The following SBF2 variants were observed in gnomAD, a reference collection of about 807,000 sequenced individuals.
The protein encoded by SBF2 is SET binding factor 2, also known as myotubularin-related protein 13.
In SBF2, 112 loss-of-function variants were observed where a neutral mutation model predicts 225.2. That is an observed-to-expected ratio of 0.50 (90% CI 0.43 to 0.58). The LOEUF (loss-of-function observed/expected upper bound fraction) is 0.58. Among genes scored for constraint, SBF2 ranks in the 20% least tolerant of loss-of-function variants. SBF2 has a pLI of 0.00. For missense variants in SBF2, 1,996 were observed against 2,206.2 expected (o/e 0.90, Z 1.91); for synonymous variants, 763 against 773.3 (o/e 0.99, Z 0.22).
chr11:10,089,047 C>T lies in SBF2; in HGVS notation c.142-46066G>A, dbSNP rs77870875. ...CTGGGTCCTGCCCTCCTCCAAAAGACGGTCTTAAAAAAAATGTATAAACTT... is the reference window on the plus strand; with the variant it reads ...CTGGGTCCTGCCCTCCTCCAAAAGATGGTCTTAAAAAAAATGTATAAACTT... On this transcript the variant is annotated intron_variant, in intron 2 of 39. Coordinates refer to ENST00000256190, the MANE Select transcript of SBF2 (RefSeq NM_030962.4). Among the ~76,000 whole-genome samples, 534 of 152,088 alleles carry T rather than the reference C, an allele frequency of 3.5e-3. 2 individuals carry two copies. Among genetic ancestry groups the T allele is most frequent in the African/African-American group, 0.013 (524 of 41,490 alleles).
At chr11:10,179,303 C>T (rs1168609054) in intron 2 of SBF2, among the ~76,000 whole-genome samples, 1 of 151,318 alleles carries the variant, frequency 6.6e-6, no homozygotes, top group Non-Finnish European at 1.5e-5. Context: ...ATGTAACTAA[C>T]CTGCACATTG....
At chr11:10,257,091 C>G (rs1244280630) in intron 1 of SBF2, among the ~76,000 whole-genome samples, 1 of 152,174 alleles carries the variant, frequency 6.6e-6, no homozygotes, top group Non-Finnish European at 1.5e-5. Context: ...TTAGCAAACT[C>G]AGGCCCAGAA....
At chr11:10,059,556 C>T (rs1021657405) in intron 2 of SBF2, among the ~76,000 whole-genome samples, 5 of 152,126 alleles carry the variant, frequency 3.3e-5, no homozygotes, top group African/African-American at 4.8e-5. Flanking sequence ...GAAGTTTCCA[C>T]CCAAAAACAA....
chr11:10,002,506 T>C, intron 7 of SBF2, 51 bp downstream of exon 7: 2 of 1,430,382 alleles, frequency 1.4e-6, no homozygotes, highest in Non-Finnish European at 2.0e-6. Context: ...TTATCAACGA[T>C]AAGTGATATG....
intron 33 of SBF2, among the ~76,000 whole-genome samples, chr11:9,794,675 T>G (rs1372696328): frequency 6.8e-4 from 1 of 1,468 alleles, no homozygotes; most frequent in Non-Finnish European, 2.6e-3. Flanking sequence ...GGACTCCGTC[T>G]CAAAAAAAAA....
At chr11:9,835,245 T>C (rs1007564345) in intron 26 of SBF2, among the ~76,000 whole-genome samples, 1 of 152,040 alleles carries the variant, frequency 6.6e-6, no homozygotes, top group Non-Finnish European at 1.5e-5. Context: ...CACTACCACC[T>C]AGGTCAAGAA....
chr11:9,970,742 A>G (rs533608741), intron 13 of SBF2, among the ~76,000 whole-genome samples: 3 of 152,362 alleles, frequency 2.0e-5, no homozygotes, highest in East Asian at 1.9e-4. Flanking sequence ...CTTATCTTAT[A>G]TAAGGCTCCT....
chr11:9,944,293 GACTT>G (rs1479050760), intron 16 of SBF2, among the ~76,000 whole-genome samples: 4 of 152,212 alleles, frequency 2.6e-5, no homozygotes, highest in Non-Finnish European at 5.9e-5. Context: ...AGCTCTGAAG[GACTT>G]CAATGTTCAT....
intron 1 of SBF2, among the ~76,000 whole-genome samples, chr11:10,280,928 A>T (rs1164981685): frequency 6.6e-6 from 1 of 152,172 alleles, no homozygotes; most frequent in East Asian, 1.9e-4. Context: ...TTTCGGCCCT[A>T]AAGTTTTATG....
At position 9,828,310 on chromosome 11, in the gene SBF2, T is replaced by TAAACATGTAGCATGTACATC. The variant is rs1855183791; in HGVS notation, c.3793+1045_3793+1046insGATGTACATGCTACATGTTT. ...AAAAGTTATCTTCAGGTGTAGCATG[T>TAAACATGTAGCATGTACATC]TTAACTGCTGCCAAACATTGTACTT... On this transcript the variant is annotated intron_variant, in intron 28 of 39. Transcript: ENST00000256190. 2.4e-6 allele frequency: 3 copies of TAAACATGTAGCATGTACATC among 1,226,982 alleles called. No individual in the cohort carries two copies. In the South Asian group the frequency reaches 4.4e-5, roughly 18 times the overall value. The allele number at this position is 1,226,982 out of a possible 1,614,324, so 76.0% of individuals were successfully genotyped here. A position where few individuals can be genotyped will look rare whatever the true frequency, so the allele number is the denominator to read the frequency against.
chr11:10,276,973 T>A (rs2135550153), intron 1 of SBF2, among the ~76,000 whole-genome samples: 2 of 152,212 alleles, frequency 1.3e-5, no homozygotes, highest in South Asian at 4.2e-4. Flanking sequence ...GGCTCATGCC[T>A]GTAATATCAG....
intron 2 of SBF2, among the ~76,000 whole-genome samples, chr11:10,166,755 C>G (rs4482025): frequency 0.49 from 74,790 of 151,842 alleles, 18,788 homozygotes; most frequent in Non-Finnish European, 0.54. Flanking sequence ...TTGAGGCCAG[C>G]AGTTCAAGAC....
intron 10 of SBF2, 28 bp downstream of exon 10, chr11:9,993,893 C>T (rs757544089): frequency 1.4e-6 from 2 of 1,468,726 alleles, no homozygotes; most frequent in Non-Finnish European, 1.9e-6. Flanking sequence ...TCTTTAACAG[C>T]ATTAAATTTA....
chr11:10,249,470 G>C (rs551873656), intron 1 of SBF2, among the ~76,000 whole-genome samples: 8 of 152,050 alleles, frequency 5.3e-5, no homozygotes, highest in South Asian at 4.2e-4. Flanking sequence ...AAAAAAGAAG[G>C]GAAAGACAAA....
intron 17 of SBF2, among the ~76,000 whole-genome samples, chr11:9,867,403 G>A (rs1858321251): frequency 6.6e-6 from 1 of 152,144 alleles, no homozygotes; most frequent in Admixed American, 6.5e-5. Flanking sequence ...ATGCCGGTAA[G>A]GACACAGAGA....
At chr11:9,946,125 G>A (rs1865547369) in intron 16 of SBF2, among the ~76,000 whole-genome samples, 1 of 152,234 alleles carries the variant, frequency 6.6e-6, no homozygotes, top group Admixed American at 6.5e-5. Context: ...AAAAAGACAA[G>A]TATACCTGTA....
At chr11:9,961,404 A>C (rs1229225036) in intron 16 of SBF2, 1 of 152,544 alleles carries the variant, frequency 6.6e-6, no homozygotes, top group Non-Finnish European at 1.5e-5. Context: ...CTCTCTAACA[A>C]GGGAGGCAGG....
intron 2 of SBF2, among the ~76,000 whole-genome samples, chr11:10,052,846 C>T (rs766377883): frequency 2.0e-5 from 3 of 152,242 alleles, no homozygotes; most frequent in South Asian, 2.1e-4. Flanking sequence ...TTCTATAAAC[C>T]GTGTTCTTTC....
chr11:10,240,752 T>C (rs1266903199), intron 1 of SBF2, among the ~76,000 whole-genome samples: 1 of 152,224 alleles, frequency 6.6e-6, no homozygotes, highest in Non-Finnish European at 1.5e-5. Context: ...TTTAGATATA[T>C]GGTGCATTTT....
Sources: gnomAD v4.1 joint callset for allele counts (sites outside exome capture counted in the v4.1 genomes callset) on GRCh38, gnomAD v4.1.1 for gene constraint, MANE v1.5 for transcripts, NCBI Gene and HGNC (gene_info 2026-07-23, HGNC 2026-07-21) for gene names.